Variants in EXOC1 observed in about 807,000 individuals in gnomAD.
EXOC1 encodes the protein exocyst complex component 1, also known as SEC3-like 1.
EXOC1 carries 67 observed loss-of-function variants against 107.7 expected under a neutral mutation model. The ratio of observed to expected loss-of-function variants is 0.62; its 90% CI spans 0.51 to 0.76. EXOC1 has a LOEUF of 0.76. Ranked by LOEUF, EXOC1 falls within the 30% of genes least tolerant of loss-of-function variation. The pLI, the probability that EXOC1 is intolerant of heterozygous loss-of-function variation, is 0.00. For missense variants in EXOC1, 833 were observed against 1,055.7 expected, an observed-to-expected ratio of 0.79 and a Z score of 2.92; for synonymous variants, 348 against 353.5, an observed-to-expected ratio of 0.98 and a Z score of 0.17.
intron 9 of EXOC1, among the ~76,000 whole-genome samples, chr4:55,881,240 A>G (rs1723348752): frequency 6.6e-6 from 1 of 152,140 alleles, no homozygotes; most frequent in Admixed American, 6.5e-5. Flanking sequence ...ACTCTGGGTC[A>G]TACATGTAGG....
chr4:55,877,442 G>T, intron 8 of EXOC1: 1 of 985,260 alleles, frequency 1.0e-6, no homozygotes, highest in Non-Finnish European at 1.2e-6. Context: ...CCAATTCCAA[G>T]CTCTAAGACT....
intron 9 of EXOC1, among the ~76,000 whole-genome samples, chr4:55,878,707 AAGGGCATTCC>A (rs1212494799): frequency 1.3e-5 from 2 of 152,190 alleles, no homozygotes; most frequent in Non-Finnish European, 2.9e-5. Flanking sequence ...AAATAAGAGA[AAGGGCATTCC>A]AGGGATGGGG....
intron 16 of EXOC1, 94 bp from the exon 17 acceptor site, chr4:55,899,591 C>T (rs1038637011): frequency 1.8e-6 from 2 of 1,141,750 alleles, no homozygotes; most frequent in Non-Finnish European, 2.5e-6. Context: ...AATTCTTAAA[C>T]TTACAAATGA....
intron 4 of EXOC1, among the ~76,000 whole-genome samples, chr4:55,865,826 TAAAAAA>T (rs879347527): frequency 6.9e-6 from 1 of 144,184 alleles, no homozygotes; most frequent in Non-Finnish European, 1.5e-5. Flanking sequence ...GTGTCTAACT[TAAAAAA>T]AAAAAGGCAT....
chr4:55,864,113 G>T, intron 3 of EXOC1, 114 bp from the exon 4 acceptor site: 1 of 687,144 alleles, frequency 1.5e-6, no homozygotes, highest in Non-Finnish European at 2.3e-6. Context: ...TTGCTTAGCT[G>T]ATTTTTAATA....
Position 55,902,439 on chromosome 4 carries a change from A to T in EXOC1, c.2433A>T (p.Lys811Asn). 6.3e-7 allele frequency: 1 copy of T among 1,594,772 alleles called. No individual in the cohort carries two copies. Residue 811 changes from lysine (K) to asparagine (N), a missense_variant, in exon 18 of 19, where the codon AAA (lysine) becomes AAT (asparagine). This residue lies in a region of EXOC1 where 216 missense variants were observed against 354.4 expected (regional missense o/e 0.61). Transcript: ENST00000381295. ...QLAFNKQELR[K>N]VIKEYPGKEV... is the part of the protein sequence containing the mutation. ...CATTTAACAAACAAGAACTTCGTAA[A>T]GTCATTAAGGAGTACCCTGGAAAGG...
intron 9 of EXOC1, among the ~76,000 whole-genome samples, chr4:55,882,091 A>G (rs1433453453): frequency 2.8e-5 from 3 of 106,268 alleles, no homozygotes; most frequent in Non-Finnish European, 5.5e-5. Context: ...AAAACTTACC[A>G]TAGGGTTTTT....
intron 10 of EXOC1, 106 bp downstream of exon 10, chr4:55,884,034 T>C: frequency 1.3e-6 from 1 of 788,998 alleles, no homozygotes; most frequent in African/African-American, 1.8e-5. Context: ...TCCAGCAGAA[T>C]TTATGAAAAA....
rs79097506 is a variant in EXOC1 at position 55,895,621 on chromosome 4, G to A, written c.1954-1096G>A. The stretch of plus-strand genomic sequence containing the variant: ...CAAATCTCAACACAATGAAATGTTA[G>A]GTAGAAGCTGAAATAATACAAAAGT... On this transcript the variant is annotated intron_variant, in intron 15 of 18. Transcript: ENST00000381295. 7.7e-4 allele frequency among the ~76,000 whole-genome samples: 118 copies of A among 152,258 alleles called. No homozygotes were observed. In the East Asian group the frequency reaches 0.022, roughly 28 times the overall value.
chr4:55,891,460 C>T (rs748182785), intron 13 of EXOC1, 38 bp downstream of exon 13: 37 of 1,336,428 alleles, frequency 2.8e-5, no homozygotes, highest in Admixed American at 2.7e-4. Context: ...TATTTATGAT[C>T]TGTAATATAA....
chr4:55,902,875 A>G (rs934371824), intron 18 of EXOC1, among the ~76,000 whole-genome samples: 1 of 152,120 alleles, frequency 6.6e-6, no homozygotes, highest in African/African-American at 2.4e-5. Flanking sequence ...TTGGGAAGTT[A>G]CTTAACCTCT....
intron 1 of EXOC1, among the ~76,000 whole-genome samples, chr4:55,857,173 T>C (rs914348145): frequency 6.8e-5 from 7 of 102,428 alleles, no homozygotes; most frequent in African/African-American, 2.0e-4. Context: ...TTTTTCTTTT[T>C]TTTTTTTTTT....
chr4:55,903,857 A>G (rs553172071), intron 18 of EXOC1, among the ~76,000 whole-genome samples: 16 of 152,278 alleles, frequency 1.1e-4, no homozygotes, highest in African/African-American at 3.6e-4. Context: ...CCTCCAAGGC[A>G]TCAAGCAAGG....
intron 8 of EXOC1, chr4:55,877,112 T>A (rs750259169): frequency 2.9e-5 from 28 of 975,064 alleles, no homozygotes; most frequent in Non-Finnish European, 2.7e-5. Flanking sequence ...AAGAAATCCC[T>A]TTTAACTTAA....
In EXOC1 at chr4:55,853,720, G is replaced by C. The variant is rs1720687025; in HGVS notation, c.-244G>C. 6.6e-6 allele frequency: 1 copy of C among 152,320 alleles called. No individual in the cohort carries two copies. The highest frequency in any genetic ancestry group is 1.5e-5 in the Non-Finnish European group (1 of 68,088). 9.4% of individuals were successfully genotyped at this position (152,320 alleles called of 1,614,324 possible). A position where few individuals can be genotyped will look rare whatever the true frequency, so the allele number is the denominator to read the frequency against. On this transcript the variant is annotated 5_prime_UTR_variant, in exon 1 of 19. Transcript: ENST00000381295. Reference sequence around the variant, plus strand: ...TTCCCGTTCAACGCTTTATTGAGGGGCGTATCCTAGTGGCCCCCATCCGGT... The same window carrying C: ...TTCCCGTTCAACGCTTTATTGAGGGCCGTATCCTAGTGGCCCCCATCCGGT...
Position 55,860,462 on chromosome 4 carries a change from A to G in EXOC1, c.176A>G (p.Asp59Gly). ...AAGGTGGTCAAAGTCAAGAAATCCG[A>G]TAAGGGAGATTTCTACAAAAGGCAG... ...QVKVVKVKKS[D>G]KGDFYKRQIA... The change falls in exon 3 of 19, where the codon GAT (aspartate) becomes GGT (glycine). Residue 59 changes from aspartate (D) to glycine (G), a missense_variant. By Grantham distance (94) the Asp-to-Gly change is moderately conservative. Around this residue, in one of 2 missense-constraint regions of EXOC1, gnomAD observed 617 missense variants for 701.3 expected, o/e 0.88. Transcript: ENST00000381295. 1 of 1,614,086 alleles carries G rather than the reference A, an allele frequency of 6.2e-7. No homozygotes were observed. The highest frequency in any genetic ancestry group is 8.5e-7 in the Non-Finnish European group (1 of 1,179,944).
At chr4:55,869,478 A>G (rs1389898656) in intron 5 of EXOC1, among the ~76,000 whole-genome samples, 1 of 152,180 alleles carries the variant, frequency 6.6e-6, no homozygotes, top group Non-Finnish European at 1.5e-5. Context: ...CATTTAAGAA[A>G]TCCCTCAGAG....
intron 9 of EXOC1, among the ~76,000 whole-genome samples, chr4:55,882,471 A>G (rs1369048527): frequency 1.3e-5 from 2 of 152,218 alleles, no homozygotes; most frequent in African/African-American, 4.8e-5. Flanking sequence ...AGTCCCACTG[A>G]AAAAGTAATA....
intron 9 of EXOC1, among the ~76,000 whole-genome samples, chr4:55,882,253 G>T (rs1285383834): frequency 1.3e-5 from 2 of 152,064 alleles, no homozygotes; most frequent in African/African-American, 4.8e-5. Flanking sequence ...CAGTCCTTCT[G>T]CCTCAGCCTC....
Sources: gnomAD v4.1 joint callset for allele counts (sites outside exome capture counted in the v4.1 genomes callset) on GRCh38, gnomAD v4.1.1 for gene constraint, gnomAD v4.1.1 regional missense constraint, MANE v1.5 for transcripts, NCBI Gene and HGNC (gene_info 2026-07-23, HGNC 2026-07-21) for gene names.